Variants in IL1RAPL2 observed in about 807,000 individuals in gnomAD.
IL1RAPL2 encodes X-linked interleukin-1 receptor accessory protein-like 2.
IL1RAPL2 carries 3 observed loss-of-function variants against 44.1 expected under a neutral mutation model. That is an observed-to-expected ratio of 0.07 (90% CI 0.03 to 0.18). The LOEUF is 0.18. IL1RAPL2 is among the 10% of genes least tolerant of loss of function. The pLI is 1.00. For synonymous variants in IL1RAPL2, 181 were observed against 178.8 expected, an observed-to-expected ratio of 1.01 and a Z score of -0.10; for missense variants, 391 against 496.4, an observed-to-expected ratio of 0.79 and a Z score of 2.02.
chrX:104,953,340 AAGTT>A (rs1159461662), intron 2 of IL1RAPL2, among the ~76,000 whole-genome samples: 6 of 112,062 alleles, frequency 5.4e-5, no homozygotes, highest in Admixed American at 2.8e-4. Flanking sequence ...TAACATAACT[AAGTT>A]AGAGAATCCT....
At chrX:104,585,191 ATG>A (rs1928484317) in intron 1 of IL1RAPL2, among the ~76,000 whole-genome samples, 4 of 55,574 alleles carry the variant, frequency 7.2e-5, no homozygotes, top group African/African-American at 5.8e-4. Flanking sequence ...ACATACACAC[ATG>A]TATATGTATT....
intron 2 of IL1RAPL2, among the ~76,000 whole-genome samples, chrX:105,112,156 T>C (rs1264822125): frequency 8.9e-6 from 1 of 112,033 alleles, no homozygotes; most frequent in Non-Finnish European, 1.9e-5. Context: ...CATAAGAAAT[T>C]CTATTACCCA....
chrX:104,958,458 G>A (rs41372050), intron 2 of IL1RAPL2, among the ~76,000 whole-genome samples: 1 of 104,898 alleles, frequency 9.5e-6, no homozygotes, highest in Non-Finnish European at 2.0e-5. Context: ...TTGCTGCTTA[G>A]GTAATTCATG....
At chrX:104,897,940 A>G (rs957071003) in intron 2 of IL1RAPL2, among the ~76,000 whole-genome samples, 3 of 111,945 alleles carry the variant, frequency 2.7e-5, no homozygotes, top group African/African-American at 9.7e-5. Context: ...ATGTTACTTT[A>G]CCCTCTCTCA....
intron 2 of IL1RAPL2, among the ~76,000 whole-genome samples, chrX:104,781,506 G>A (rs1465114017): frequency 8.9e-6 from 1 of 111,864 alleles, no homozygotes; most frequent in Non-Finnish European, 1.9e-5. Context: ...GTATAGAGTA[G>A]CTCTGATCTA....
intron 5 of IL1RAPL2, among the ~76,000 whole-genome samples, chrX:105,268,023 A>T (rs1366042809): frequency 8.9e-6 from 1 of 111,977 alleles, no homozygotes; most frequent in Non-Finnish European, 1.9e-5. Context: ...TCTTAGAGCA[A>T]CTCCAAATGA....
intron 5 of IL1RAPL2, among the ~76,000 whole-genome samples, chrX:105,420,077 T>G (rs2035763450): frequency 9.0e-6 from 1 of 111,107 alleles, no homozygotes; most frequent in Admixed American, 9.6e-5. Context: ...GTTTTTTTTT[T>G]TCTTCTGAGT....
intron 2 of IL1RAPL2, among the ~76,000 whole-genome samples, chrX:105,187,876 A>G (rs782553734): frequency 8.9e-6 from 1 of 111,931 alleles, no homozygotes; most frequent in Non-Finnish European, 1.9e-5. Flanking sequence ...TGTTATCACT[A>G]CAAAAAAATA....
intron 7 of IL1RAPL2, among the ~76,000 whole-genome samples, chrX:105,737,655 A>G (rs903510209): frequency 9.0e-6 from 1 of 111,451 alleles, no homozygotes; most frequent in Non-Finnish European, 1.9e-5. Flanking sequence ...GGCAGAGGCT[A>G]TGGCTGCCCT....
chrX:105,502,783 A>G (rs949730947), intron 6 of IL1RAPL2, among the ~76,000 whole-genome samples: 13 of 110,449 alleles, frequency 1.2e-4, no homozygotes, highest in African/African-American at 3.9e-4. Context: ...TTCTGGGGCT[A>G]AGTAATAATT....
chrX:105,347,919 A>G (rs2035123471), intron 5 of IL1RAPL2, among the ~76,000 whole-genome samples: 1 of 111,533 alleles, frequency 9.0e-6, no homozygotes, highest in Non-Finnish European at 1.9e-5. Context: ...CTCCCAGTCG[A>G]GGACCACTAC....
intron 2 of IL1RAPL2, among the ~76,000 whole-genome samples, chrX:105,176,215 A>G (rs2033472403): frequency 9.0e-6 from 1 of 110,988 alleles, no homozygotes; most frequent in African/African-American, 3.3e-5. Context: ...AATATATTTA[A>G]TCCTCTAACA....
In IL1RAPL2 at chrX:105,177,701, C is replaced by T. The variant is rs762387811; in HGVS notation, c.83-17774C>T. On this transcript the variant is annotated intron_variant, in intron 2 of 10. Coordinates refer to ENST00000372582, the MANE Select transcript of IL1RAPL2 (RefSeq NM_017416.2). ...ACGTACCAACTAACAAAGCTTTTCC[C>T]AACCCTATCTGGCTCTACTCCCTCT... 8.1e-5 allele frequency among the ~76,000 whole-genome samples: 9 copies of T among 111,580 alleles called. No individual in the cohort carries two copies. In the South Asian group the frequency reaches 3.4e-3, roughly 42 times the overall value.
chrX:104,814,684 T>C (rs112282446), intron 2 of IL1RAPL2, among the ~76,000 whole-genome samples: 26 of 112,399 alleles, frequency 2.3e-4, no homozygotes, highest in African/African-American at 8.4e-4. Context: ...TTTCTACTGG[T>C]AGACCTGTAT....
At chrX:105,687,274 T>C (rs2037988115) in intron 6 of IL1RAPL2, among the ~76,000 whole-genome samples, 1 of 107,736 alleles carries the variant, frequency 9.3e-6, no homozygotes, top group Admixed American at 9.9e-5. Flanking sequence ...CTTCAAAAAA[T>C]CAATGAATCC....
chrX:105,312,159 A>T (rs1229400424), intron 5 of IL1RAPL2, among the ~76,000 whole-genome samples: 1 of 111,659 alleles, frequency 9.0e-6, no homozygotes, highest in East Asian at 2.8e-4. Context: ...TCAGGTTAGG[A>T]TAAGAAAATT....
chrX:105,371,225 CTTTAG>C (rs934569884), intron 5 of IL1RAPL2, among the ~76,000 whole-genome samples: 12 of 111,881 alleles, frequency 1.1e-4, no homozygotes, highest in South Asian at 3.7e-4. Flanking sequence ...TGAAGAAGTT[CTTTAG>C]TTTAGTTAAG....
At chrX:104,860,000 C>T (rs908573406) in intron 2 of IL1RAPL2, among the ~76,000 whole-genome samples, 1 of 112,242 alleles carries the variant, frequency 8.9e-6, no homozygotes, top group African/African-American at 3.2e-5. Flanking sequence ...GTGTCATACT[C>T]TAACTAAATT....
chrX:104,717,754 C>G (rs1010285672), intron 2 of IL1RAPL2, among the ~76,000 whole-genome samples: 1 of 106,350 alleles, frequency 9.4e-6, no homozygotes, highest in Admixed American at 1.0e-4. Context: ...AATGCTATCT[C>G]CCCCCCCCAC....
Sources: allele counts gnomAD v4.1 joint callset (sites outside exome capture counted in the v4.1 genomes callset), GRCh38; gene constraint gnomAD v4.1.1; transcripts MANE v1.5; gene names NCBI Gene and HGNC (gene_info 2026-07-23, HGNC 2026-07-21).